The following PALS2 variants were observed in gnomAD, a reference collection of about 807,000 sequenced individuals.
The protein encoded by PALS2 is protein associated with LIN7 2, MAGUK p55 family member, also known as protein PALS2.
In PALS2, 27 loss-of-function variants were observed where a neutral mutation model predicts 61.6. The ratio of observed to expected loss-of-function variants is 0.44; its 90% CI spans 0.32 to 0.60. PALS2 has a LOEUF of 0.60. Ranked by LOEUF, PALS2 falls within the 20% of genes least tolerant of loss-of-function variation. The pLI is 0.05. For missense variants in PALS2, 554 were observed against 639.4 expected (o/e 0.87, Z 1.44); for synonymous variants, 236 against 218.6 (o/e 1.08, Z -0.70).
chr7:24,588,886 G>A (rs1299628020), intron 1 of PALS2, among the ~76,000 whole-genome samples: 4 of 152,130 alleles, frequency 2.6e-5, no homozygotes, highest in Admixed American at 6.6e-5. Context: ...TGTGTTTTTA[G>A]AAAAACAGTT....
intron 9 of PALS2, among the ~76,000 whole-genome samples, chr7:24,678,357 T>A (rs759754497): frequency 5.9e-5 from 9 of 152,110 alleles, no homozygotes; most frequent in Non-Finnish European, 1.3e-4. Context: ...AAATAATATG[T>A]CAGGTCAGAG....
chr7:24,622,493 A>G (rs1784560305), intron 1 of PALS2, among the ~76,000 whole-genome samples: 2 of 151,918 alleles, frequency 1.3e-5, no homozygotes, highest in Admixed American at 6.5e-5. Context: ...ATAGAAATAC[A>G]CTATGTGTAA....
At chr7:24,645,385 GTTGT>G (rs962953391) in intron 3 of PALS2, among the ~76,000 whole-genome samples, 21 of 152,124 alleles carry the variant, frequency 1.4e-4, no homozygotes, top group Admixed American at 1.3e-3. Context: ...TCTTTTCCCC[GTTGT>G]TTGTTTTTGT....
intron 9 of PALS2, among the ~76,000 whole-genome samples, chr7:24,671,505 T>C (rs1787294326): frequency 6.6e-6 from 1 of 152,208 alleles, no homozygotes; most frequent in Non-Finnish European, 1.5e-5. Flanking sequence ...GATGGTGTCC[T>C]TTGATATACA....
Position 24,679,192 on chromosome 7 carries a change from A to T in PALS2, c.1176A>T (p.Arg392=). 6.2e-7 allele frequency: 1 copy of T among 1,614,092 alleles called. No homozygotes were observed. The highest frequency in any genetic ancestry group is 1.7e-5 in the Admixed American group (1 of 60,028). ...GCCAGGCATATAAGTTTGTGTCACGATCTGAGATGGAAGCAGATATTAAAG... is the reference window on the plus strand; with the variant it reads ...GCCAGGCATATAAGTTTGTGTCACGTTCTGAGATGGAAGCAGATATTAAAG... The part of the protein sequence containing the change: ...KDGQAYKFVS[R]SEMEADIKAG... The change falls in exon 10 of 12, where the codon CGA becomes CGT. Residue 392 remains arginine, a synonymous_variant. Coordinates refer to ENST00000222644, the MANE Select transcript of PALS2 (RefSeq NM_001303037.2).
chr7:24,654,142 T>C (rs1786296045), intron 5 of PALS2, among the ~76,000 whole-genome samples: 1 of 151,900 alleles, frequency 6.6e-6, no homozygotes, highest in African/African-American at 2.4e-5. Flanking sequence ...ATTGATTATA[T>C]ACAGTTATTT....
intron 9 of PALS2, among the ~76,000 whole-genome samples, chr7:24,669,411 C>T (rs915836808): frequency 8.8e-4 from 134 of 152,172 alleles, no homozygotes; most frequent in African/African-American, 3.0e-3. Context: ...ACTGTAGGGA[C>T]TAATAAACAT....
intron 1 of PALS2, among the ~76,000 whole-genome samples, chr7:24,612,415 ACTTT>A (rs1165273139): frequency 6.6e-6 from 1 of 151,828 alleles, no homozygotes; most frequent in Non-Finnish European, 1.5e-5. Flanking sequence ...AGTTTTACGT[ACTTT>A]CTTTTTCAGG....
At chr7:24,634,259 C>T (rs1785138242) in intron 2 of PALS2, among the ~76,000 whole-genome samples, 1 of 151,910 alleles carries the variant, frequency 6.6e-6, no homozygotes, top group African/African-American at 2.4e-5. Context: ...GAGATGGAGT[C>T]TTGCTCTGCC....
intron 5 of PALS2, among the ~76,000 whole-genome samples, chr7:24,657,498 A>G (rs1786483695): frequency 1.3e-5 from 2 of 152,124 alleles, no homozygotes; most frequent in African/African-American, 4.8e-5. Flanking sequence ...TTTATTTGCC[A>G]TACTTCTGTG....
chr7:24,615,030 A>G (rs1212897395), intron 1 of PALS2, among the ~76,000 whole-genome samples: 1 of 152,020 alleles, frequency 6.6e-6, no homozygotes, highest in Non-Finnish European at 1.5e-5. Context: ...TTTCAACCAC[A>G]TGATCCTGAA....
chr7:24,611,069 C>T (rs557174265), intron 1 of PALS2, among the ~76,000 whole-genome samples: 4 of 152,086 alleles, frequency 2.6e-5, no homozygotes, highest in Non-Finnish European at 4.4e-5. Flanking sequence ...AAAATAGGCA[C>T]GGCCTAGTAT....
At chr7:24,609,785 G>T (rs1314405032) in intron 1 of PALS2, among the ~76,000 whole-genome samples, 1 of 151,948 alleles carries the variant, frequency 6.6e-6, no homozygotes, top group Non-Finnish European at 1.5e-5. Context: ...AAAGAAGTTT[G>T]TGGTATTTAG....
chr7:24,689,231 A>G lies in PALS2; in HGVS notation c.*1617A>G, dbSNP rs535402161. On this transcript the variant is annotated 3_prime_UTR_variant, in exon 12 of 12. Coordinates refer to ENST00000222644, the MANE Select transcript of PALS2 (RefSeq NM_001303037.2). ...TCTTCCTTTAGGATTCTTGGATAAT[A>G]GAAATTCTTCCTAAAACATACTCAG... The G allele has an allele frequency of 2.0e-5, 3 of 152,372 alleles. No homozygotes were observed. The South Asian group carries it at 6.2e-4, about 32-fold the overall frequency. The allele number at this position is 152,372 out of a possible 1,614,324, so 9.4% of individuals were successfully genotyped here.
At chr7:24,683,720 A>G (rs1226145059) in intron 11 of PALS2, among the ~76,000 whole-genome samples, 1 of 152,156 alleles carries the variant, frequency 6.6e-6, no homozygotes, top group Admixed American at 6.5e-5. Context: ...ATAGTTGATC[A>G]CTGCTTCTTG....
At chr7:24,639,532 C>T (rs1269123788) in intron 2 of PALS2, among the ~76,000 whole-genome samples, 1 of 151,450 alleles carries the variant, frequency 6.6e-6, no homozygotes, top group Non-Finnish European at 1.5e-5. Flanking sequence ...TCTTTTTATA[C>T]TATGTTAAAA....
chr7:24,680,887 T>G (rs1787891384), intron 11 of PALS2, among the ~76,000 whole-genome samples: 1 of 152,196 alleles, frequency 6.6e-6, no homozygotes, highest in Non-Finnish European at 1.5e-5. Flanking sequence ...TGAGCCACCG[T>G]GCCTGGCCAA....
intron 9 of PALS2, among the ~76,000 whole-genome samples, chr7:24,677,417 G>A (rs990135499): frequency 5.2e-4 from 79 of 151,956 alleles, no homozygotes; most frequent in Admixed American, 1.6e-3. Context: ...TGTTGAATAG[G>A]AGTGGTGAGA....
At chr7:24,583,952 A>T (rs563365761) in intron 1 of PALS2, among the ~76,000 whole-genome samples, 2 of 150,824 alleles carry the variant, frequency 1.3e-5, no homozygotes, top group East Asian at 3.9e-4. Flanking sequence ...GAGAATGATG[A>T]TTTCCAATTT....
Sources: gnomAD v4.1 joint callset for allele counts (sites outside exome capture counted in the v4.1 genomes callset) on GRCh38, gnomAD v4.1.1 for gene constraint, MANE v1.5 for transcripts, NCBI Gene and HGNC (gene_info 2026-07-23, HGNC 2026-07-21) for gene names.